DPPA4: variants seen among roughly 807,000 people sequenced by gnomAD.
DPPA4 encodes the protein developmental pluripotency-associated protein 4.
DPPA4 carries 22 observed loss-of-function variants against 33.7 expected under a neutral mutation model. The observed-to-expected ratio is 0.65, with a 90% CI of 0.47 to 0.93. The LOEUF (loss-of-function observed/expected upper bound fraction) is 0.93, where lower values mean the gene tolerates loss of function less well. Among genes scored for constraint, DPPA4 ranks in the 40% least tolerant of loss-of-function variants. DPPA4 has a pLI of 0.00. For synonymous variants in DPPA4, 156 were observed against 132.3 expected (o/e 1.18, Z -1.23); for missense variants, 340 against 358.6 (o/e 0.95, Z 0.42).
chr3:109,330,324 AAAAAAAAGG>A, intron 5 of DPPA4, 191 bp downstream of exon 5: 1 of 345,220 alleles, frequency 2.9e-6, no homozygotes, highest in Admixed American at 6.2e-5. Flanking sequence ...AAAAAAAAAA[AAAAAAAAGG>A]AAAAAAAAAA....
rs1213229011 is a variant in DPPA4 at position 109,332,031 on chromosome 3, A to C, written c.179T>G (p.Val60Gly). The change falls in exon 3 of 7, where the codon GTG becomes GGG. Residue 60 changes from valine to glycine, a missense_variant and splice_region_variant. Coordinates refer to ENST00000335658, the MANE Select transcript of DPPA4 (RefSeq NM_018189.4). ...CTCTGCCTTTTTCTTAGGGCAGAGC[A>C]CTGAAGCAGAATGGAATCAAATGAG... ...KEKMSIKGSK[V>G]LCPKKKAEHT... The C allele has an allele frequency of 1.3e-6, 2 of 1,598,732 alleles. No individual in the cohort carries two copies. Among genetic ancestry groups the C allele is most frequent in the Admixed American group, 1.8e-5 (1 of 56,534 alleles).
rs142452442 is a variant in DPPA4, at chr3:109,330,515, T to C, written c.679+9A>G. 1.6e-5 allele frequency: 26 copies of C among 1,613,446 alleles called. No individual in the cohort carries two copies. In the African/African-American group the frequency reaches 2.9e-4, roughly 18 times the overall value. ...TTGGACCAGAATAAGCTCTTCATGT[T>C]GCGCTTACCAGAGGCCTCTTGTGGA... On this transcript the variant is annotated intron_variant, in intron 5 of 6. Coordinates refer to ENST00000335658, the MANE Select transcript of DPPA4 (RefSeq NM_018189.4).
chr3:109,330,454 T>C, intron 5 of DPPA4, 70 bp downstream of exon 5: 2 of 1,562,664 alleles, frequency 1.3e-6, no homozygotes, highest in Non-Finnish European at 1.8e-6. Context: ...CCCTAAAATG[T>C]ACCAGTGATT....
intron 1 of DPPA4, among the ~76,000 whole-genome samples, chr3:109,336,168 A>T (rs1440305121): frequency 2.0e-5 from 3 of 151,960 alleles, no homozygotes; most frequent in African/African-American, 7.3e-5. Flanking sequence ...AAATTAATAT[A>T]ATAAAATTTC....
rs1358581456 is a variant in DPPA4, at chr3:109,330,709, G to A, written c.494C>T (p.Pro165Leu). ...ETSLQSSETH[P>L]PEVALPPVGE... The stretch of plus-strand genomic sequence containing the variant: ...CACAGGAGGAAGAGCCACTTCAGGA[G>A]GATGTGTCTCAGAACTTTGCAGGGA... Residue 165 changes from proline to leucine, a missense_variant, in exon 5 of 7, where the codon CCT becomes CTT. By Grantham distance (98) the Pro-to-Leu change is moderately conservative. This residue lies in a region of DPPA4 where 212 missense variants were observed against 206.5 expected (regional missense o/e 1.03). Transcript: ENST00000335658. 7.4e-6 allele frequency: 12 copies of A among 1,614,164 alleles called. No individual in the cohort carries two copies. The highest frequency in any genetic ancestry group is 1.3e-5 in the African/African-American group (1 of 75,046).
intron 1 of DPPA4, among the ~76,000 whole-genome samples, chr3:109,336,663 C>G (rs1196510195): frequency 6.6e-6 from 1 of 152,132 alleles, no homozygotes; most frequent in Non-Finnish European, 1.5e-5. Context: ...TACCATTTCC[C>G]TCTAGCCCCC....
intron 2 of DPPA4, chr3:109,333,303 C>A (rs2107348009): frequency 6.8e-6 from 1 of 146,294 alleles, no homozygotes; most frequent in East Asian, 2.0e-4. Flanking sequence ...GATGGTGCCA[C>A]CACACTCCAG....
upstream of DPPA4, chr3:109,337,594 T>TTC (rs1211805146): frequency 6.2e-6 from 8 of 1,286,580 alleles, no homozygotes; most frequent in African/African-American, 1.0e-4. Context: ...AAGACCCTTT[T>TTC]TCTCTCCACC....
At position 109,328,883 on chromosome 3, in the gene DPPA4, TA is replaced by T. The variant is rs751023575; in HGVS notation, c.878+6del. Reference sequence around the variant, plus strand: ...TTTTAGTTTGTAGAAAAGCATCAGGTAATTACCTGTGAACACATTTGGGGCA... The same window carrying T: ...TTTTAGTTTGTAGAAAAGCATCAGGTATTACCTGTGAACACATTTGGGGCA... On this transcript the variant is annotated splice_donor_region_variant and intron_variant, in intron 6 of 6. Transcript: ENST00000335658. 6 of 1,610,696 alleles carry T rather than the reference TA, an allele frequency of 3.7e-6. No homozygotes were observed. In the African/African-American group the frequency reaches 4.0e-5, roughly 11 times the overall value.
chr3:109,337,355 GA>G, intron 1 of DPPA4, 108 bp downstream of exon 1: 1 of 970,766 alleles, frequency 1.0e-6, no homozygotes. Context: ...GTCAAGAGGA[GA>G]AAATTCGAAG....
At chr3:109,335,955 C>G (rs1002411083) in intron 1 of DPPA4, among the ~76,000 whole-genome samples, 4 of 151,506 alleles carry the variant, frequency 2.6e-5, no homozygotes, top group Non-Finnish European at 4.4e-5. Flanking sequence ...GAGTTCGAGA[C>G]CAGCCTGGCT....
upstream of DPPA4, chr3:109,337,634 T>A: frequency 1.2e-6 from 1 of 851,010 alleles, no homozygotes; most frequent in Non-Finnish European, 2.0e-6. Context: ...CCCCTTCTGT[T>A]CCCTCCCCCA....
rs1364653477 is a variant in DPPA4, at chr3:109,327,286, T to C, written c.*702A>G. On this transcript the variant is annotated 3_prime_UTR_variant, in exon 7 of 7. Coordinates refer to ENST00000335658, the MANE Select transcript of DPPA4 (RefSeq NM_018189.4). ...TGGAATGAAGCAGCTCCTAAAGTAG[T>C]CAGTGTTCAGAGGAAGAGAAAATTG... The C allele has an allele frequency of 6.6e-6, 1 of 152,196 alleles. No individual in the cohort carries two copies. The highest frequency in any genetic ancestry group is 1.5e-5 in the Non-Finnish European group (1 of 68,044). The allele number at this position is 152,196 out of a possible 1,614,324, so 9.4% of individuals were successfully genotyped here. A position where few individuals can be genotyped will look rare whatever the true frequency, so the allele number is the denominator to read the frequency against.
chr3:109,328,678 CTG>C (rs1707987566), intron 6 of DPPA4, among the ~76,000 whole-genome samples: 1 of 152,136 alleles, frequency 6.6e-6, no homozygotes, highest in Admixed American at 6.6e-5. Context: ...TCCCAGAATT[CTG>C]TGTCTCCAGG....
intron 2 of DPPA4, 73 bp from the exon 3 acceptor site, chr3:109,332,104 C>CT (rs571043981): frequency 9.3e-4 from 1,212 of 1,296,256 alleles, no homozygotes; most frequent in South Asian, 1.1e-3. Flanking sequence ...AGTAAAATCA[C>CT]TTTTTTTTTC....
At chr3:109,335,062 A>C (rs1283426361) in intron 1 of DPPA4, among the ~76,000 whole-genome samples, 1 of 152,216 alleles carries the variant, frequency 6.6e-6, no homozygotes, top group East Asian at 1.9e-4. Context: ...GAGTGGGGAA[A>C]AGTTGTTTAA....
At chr3:109,330,434 T>A (rs756474588) in intron 5 of DPPA4, 90 bp downstream of exon 5, 8 of 1,502,750 alleles carry the variant, frequency 5.3e-6, no homozygotes, top group Non-Finnish European at 6.5e-6. Flanking sequence ...CTCAAAGGGA[T>A]TTTGATATAC....
intron 1 of DPPA4, 67 bp downstream of exon 1, chr3:109,337,397 A>G: frequency 7.0e-7 from 1 of 1,438,690 alleles, no homozygotes; most frequent in Non-Finnish European, 9.7e-7. Flanking sequence ...AGGAAAAATC[A>G]GGAGTGCCCA....
At position 109,327,765 on chromosome 3, in the gene DPPA4, T is replaced by C. The variant is rs1349208772; in HGVS notation, c.*223A>G. The C allele has an allele frequency of 1.8e-5, 8 of 448,106 alleles. No homozygotes were observed. The highest frequency in any genetic ancestry group is 3.8e-5 in the Admixed American group (1 of 26,550). The allele number at this position is 448,106 out of a possible 1,614,324, so 27.8% of individuals were successfully genotyped here. On this transcript the variant is annotated 3_prime_UTR_variant, in exon 7 of 7. Transcript: ENST00000335658. The stretch of plus-strand genomic sequence containing the variant: ...CATATTAACTACAATTTATGGTAAT[T>C]TGTGAAATGTTTTTCCATTTTTAAA...
Sources: allele counts gnomAD v4.1 joint callset (sites outside exome capture counted in the v4.1 genomes callset), GRCh38; gene constraint gnomAD v4.1.1; regional missense constraint gnomAD v4.1.1; transcripts MANE v1.5; gene names NCBI Gene and HGNC (gene_info 2026-07-23, HGNC 2026-07-21).